The following PAK3 variants were observed in gnomAD, a reference collection of about 807,000 sequenced individuals.
PAK3 encodes serine/threonine-protein kinase PAK 3.
Under a neutral mutation model 41.0 loss-of-function variants are expected in PAK3, and 4 were observed. The ratio of observed to expected loss-of-function variants is 0.10; its 90% CI spans 0.05 to 0.22. The LOEUF is 0.22. PAK3 is among the 10% of genes least tolerant of loss of function. The pLI is 1.00. For missense variants in PAK3, 205 were observed against 409.9 expected (o/e 0.50, Z 4.32); for synonymous variants, 146 against 139.6 (o/e 1.05, Z -0.32).
intron 1 of PAK3, among the ~76,000 whole-genome samples, chrX:111,038,190 A>G (rs2092418818): frequency 8.9e-6 from 1 of 112,294 alleles, no homozygotes; most frequent in Non-Finnish European, 1.9e-5. Context: ...ATTATCAACA[A>G]CAATGTATTA....
intron 4 of PAK3, among the ~76,000 whole-genome samples, chrX:111,113,926 T>C (rs2093418950): frequency 8.9e-6 from 1 of 111,983 alleles, no homozygotes; most frequent in East Asian, 2.8e-4. Flanking sequence ...GTTTCCAGCT[T>C]CATCTGTGTC....
chrX:110,989,414 T>A (rs924937096), intron 1 of PAK3, among the ~76,000 whole-genome samples: 2 of 112,612 alleles, frequency 1.8e-5, no homozygotes, highest in African/African-American at 6.5e-5. Flanking sequence ...AAATTTTATG[T>A]GAAGTTTTCC....
chrX:110,999,377 G>T, intron 1 of PAK3, among the ~76,000 whole-genome samples: 1 of 112,103 alleles, frequency 8.9e-6, no homozygotes, highest in Non-Finnish European at 1.9e-5. Flanking sequence ...GGTTGGCCCA[G>T]TGGGGCTCTT....
In PAK3 at chrX:111,162,929, A is replaced by G. The variant is rs146801179; in HGVS notation, c.483A>G (p.Ala161=). 355 of 1,205,216 alleles carry G rather than the reference A, an allele frequency of 2.9e-4. No homozygotes were observed. The highest frequency in any genetic ancestry group is 2.1e-3 in the African/African-American group (118 of 57,111). The part of the protein sequence containing the change: ...IAAHPSSTKT[A]SEPPLAPPVS... ...TTTGTCACAAGAGTACAAAAACAGC[A>G]TCTGAGCCTCCATTGGCCCCTCCTG... The change falls in exon 9 of 18, where the codon GCA becomes GCG. Residue 161 remains alanine (A), a synonymous_variant. Transcript: ENST00000372007.
rs147153819 is a variant in PAK3, at chrX:110,989,512, G to A, written c.-28+44884G>A. ...TAAAATCTTGTAATTTTTCAATGTCGGTTACCAGTTCATAGAAAATTTAAA... is the reference window on the plus strand; with the variant it reads ...TAAAATCTTGTAATTTTTCAATGTCAGTTACCAGTTCATAGAAAATTTAAA... On this transcript the variant is annotated intron_variant, in intron 1 of 14. Transcript: ENST00000425146. Among the ~76,000 whole-genome samples the A allele has an allele frequency of 1.1e-3, 126 of 111,304 alleles. 1 individual carries two copies. In the Middle Eastern group the frequency reaches 0.023, roughly 20 times the overall value.
intron 1 of PAK3, among the ~76,000 whole-genome samples, chrX:111,052,511 T>G (rs1031277829): frequency 8.9e-6 from 1 of 112,744 alleles, no homozygotes; most frequent in Non-Finnish European, 1.9e-5. Context: ...CTTATGCACA[T>G]CATCTCACAA....
At chrX:111,034,484 T>C (rs891645945) in intron 1 of PAK3, among the ~76,000 whole-genome samples, 1 of 111,977 alleles carries the variant, frequency 8.9e-6, no homozygotes, top group Non-Finnish European at 1.9e-5. Flanking sequence ...GCTGGTTTTT[T>C]AGTCAACCTC....
intron 1 of PAK3, among the ~76,000 whole-genome samples, chrX:111,006,849 C>CTTTCTTTCTTTCTTTCTTTCTTTCTT (rs1556434441): frequency 3.5e-4 from 15 of 42,689 alleles, no homozygotes; most frequent in Non-Finnish European, 5.7e-4. Context: ...TTCTTTCTTT[C>CTTTCTTTCTTTCTTTCTTTCTTTCTT]TTTTTTTTTT....
chrX:111,099,125 C>G (rs921411275), intron 3 of PAK3, among the ~76,000 whole-genome samples: 1 of 112,414 alleles, frequency 8.9e-6, no homozygotes, highest in Non-Finnish European at 1.9e-5. Flanking sequence ...TTAGGGTTAC[C>G]GGAGAACCAA....
upstream of PAK3, among the ~76,000 whole-genome samples, chrX:111,094,433 C>T (rs899578020): frequency 8.1e-5 from 9 of 111,038 alleles, no homozygotes; most frequent in Non-Finnish European, 1.7e-4. Flanking sequence ...TAATGTAATA[C>T]TCATATATGC....
At chrX:111,076,464 C>T (rs1344279433) in intron 1 of PAK3, among the ~76,000 whole-genome samples, 1 of 111,771 alleles carries the variant, frequency 8.9e-6, no homozygotes, top group Non-Finnish European at 1.9e-5. Context: ...TTGTTTCCAG[C>T]TCTTGTGATA....
chrX:110,947,311 T>C (rs913740870), intron 1 of PAK3, among the ~76,000 whole-genome samples: 3 of 111,910 alleles, frequency 2.7e-5, no homozygotes, highest in African/African-American at 6.5e-5. Flanking sequence ...CCTAGGGTAC[T>C]TTGGGCACAT....
At chrX:111,118,022 C>T (rs2093496529) in intron 4 of PAK3, among the ~76,000 whole-genome samples, 1 of 111,441 alleles carries the variant, frequency 9.0e-6, no homozygotes, top group Non-Finnish European at 1.9e-5. Flanking sequence ...TGTAAAATGC[C>T]CGCTTTGGCA....
chrX:111,217,620 G>A (rs922322757), intron 17 of PAK3: 2 of 958,725 alleles, frequency 2.1e-6, no homozygotes, highest in Admixed American at 3.1e-5. Context: ...AAACCTATTT[G>A]GAGAAACTGA....
chrX:111,173,223 G>T, intron 11 of PAK3, 142 bp downstream of exon 11: 1 of 453,211 alleles, frequency 2.2e-6, no homozygotes, highest in Non-Finnish European at 4.0e-6. Flanking sequence ...CTCAGTATTG[G>T]CCTTTCAGGG....
intron 8 of PAK3, among the ~76,000 whole-genome samples, chrX:111,154,656 G>A (rs961248294): frequency 9.0e-6 from 1 of 111,282 alleles, no homozygotes; most frequent in Non-Finnish European, 1.9e-5. Context: ...AAACAGAACA[G>A]AATATGGCCC....
intron 1 of PAK3, among the ~76,000 whole-genome samples, chrX:110,966,985 C>T (rs1480614140): frequency 1.8e-5 from 2 of 112,164 alleles, no homozygotes; most frequent in African/African-American, 6.5e-5. Context: ...ATGTGTATTG[C>T]AAAATTGCAT....
chrX:111,121,089 C>T (rs969563657), intron 4 of PAK3, among the ~76,000 whole-genome samples: 3 of 112,010 alleles, frequency 2.7e-5, no homozygotes, highest in Non-Finnish European at 3.8e-5. Flanking sequence ...ACTCTAGTAC[C>T]GATAGTATCT....
intron 1 of PAK3, chrX:111,013,990 C>T (rs2092050530): frequency 9.0e-6 from 1 of 111,697 alleles, no homozygotes; most frequent in East Asian, 2.8e-4. Flanking sequence ...CTACTTCCTG[C>T]CTCTTCATGT....
Sources: gnomAD v4.1 joint callset for allele counts (sites outside exome capture counted in the v4.1 genomes callset) on GRCh38, gnomAD v4.1.1 for gene constraint, MANE v1.5 for transcripts, NCBI Gene and HGNC (gene_info 2026-07-23, HGNC 2026-07-21) for gene names.